Variants in CACNA1A observed in about 807,000 individuals in gnomAD.
CACNA1A encodes the protein calcium voltage-gated channel subunit alpha1 A.
Under a neutral mutation model 262.4 loss-of-function variants are expected in CACNA1A, and 57 were observed. The observed-to-expected ratio is 0.22, with a 90% CI of 0.18 to 0.27. The LOEUF is 0.27. Among genes scored for constraint, CACNA1A ranks in the 10% least tolerant of loss-of-function variants. The probability of loss-of-function intolerance (pLI) is 1.00; values close to 1 mark genes in which losing one functional copy is unlikely to be tolerated. For synonymous variants in CACNA1A, 1,431 were observed against 1,419.3 expected, an observed-to-expected ratio of 1.01 and a Z score of -0.18; for missense variants, 2,526 against 3,562.8, an observed-to-expected ratio of 0.71 and a Z score of 7.41.
chr19:13,376,830 C>CATA (rs572403563), intron 3 of CACNA1A, among the ~76,000 whole-genome samples: 4 of 80,264 alleles, frequency 5.0e-5, no homozygotes, highest in African/African-American at 1.6e-4. Context: ...ATATATAACA[C>CATA]ATGTTATATG....
rs1322326541 is a variant in CACNA1A, at chr19:13,308,966, A to G, written c.1669-438T>C. ...ACTGTTGGCCTCCACTTTCCAAAGC[A>G]TTGAGCCACTGCACCCGGCCTCTTA... On this transcript the variant is annotated intron_variant, in intron 12 of 46. Transcript: ENST00000360228. This position sits in a 1 kb window ranked among gnomAD's most constrained non-coding sequence, Gnocchi z 4.2. 1.3e-5 allele frequency: 2 copies of G among 153,092 alleles called. No individual in the cohort carries two copies. The highest frequency in any genetic ancestry group is 6.5e-5 in the Admixed American group (1 of 15,282). 9.5% of individuals were successfully genotyped at this position (153,092 alleles called of 1,614,324 possible). A position where few individuals can be genotyped will look rare whatever the true frequency, so the allele number is the denominator to read the frequency against.
At chr19:13,471,132 CAT>C (rs2061340277) in intron 1 of CACNA1A, among the ~76,000 whole-genome samples, 1 of 152,174 alleles carries the variant, frequency 6.6e-6, no homozygotes, top group Admixed American at 6.5e-5. Flanking sequence ...TGTACCTTCT[CAT>C]ATAAAAGCAC....
intron 3 of CACNA1A, among the ~76,000 whole-genome samples, chr19:13,417,301 G>A (rs989623915): frequency 6.6e-6 from 1 of 152,178 alleles, no homozygotes; most frequent in African/African-American, 2.4e-5. Context: ...TGTGGGTCCC[G>A]AGGGGTTTCC....
intron 19 of CACNA1A, among the ~76,000 whole-genome samples, chr19:13,298,161 C>G (rs1447357604): frequency 7.9e-6 from 1 of 126,196 alleles, no homozygotes; most frequent in African/African-American, 3.1e-5. Flanking sequence ...GACAGAGTCT[C>G]ACTCTGTCGC....
chr19:13,345,928 T>C (rs1413423450), intron 6 of CACNA1A, among the ~76,000 whole-genome samples: 2 of 123,562 alleles, frequency 1.6e-5, no homozygotes, highest in Non-Finnish European at 3.2e-5. Flanking sequence ...TGAGACAGAG[T>C]CTCGCTCTGT....
At chr19:13,323,967 A>T (rs2058305390) in intron 10 of CACNA1A, among the ~76,000 whole-genome samples, 1 of 152,232 alleles carries the variant, frequency 6.6e-6, no homozygotes, top group African/African-American at 2.4e-5. Flanking sequence ...TATTCACAAT[A>T]GCCAAAATAT....
At chr19:13,255,571 G>C (rs898771071) in intron 28 of CACNA1A, among the ~76,000 whole-genome samples, 17 of 152,090 alleles carry the variant, frequency 1.1e-4, no homozygotes, top group Non-Finnish European at 2.2e-4. Flanking sequence ...CCAAAATAGA[G>C]GCTTAGAAAG....
intron 1 of CACNA1A, among the ~76,000 whole-genome samples, chr19:13,485,989 A>G (rs1223114035): frequency 5.3e-5 from 8 of 152,244 alleles, no homozygotes; most frequent in Admixed American, 2.0e-4. Flanking sequence ...AAACAAGATC[A>G]TGAAGGAGCT....
intron 21 of CACNA1A, chr19:13,283,828 C>T (rs1236336920): frequency 6.4e-6 from 1 of 156,282 alleles, no homozygotes; most frequent in Non-Finnish European, 1.4e-5. Flanking sequence ...GGGCAAGTTA[C>T]TTGTCCCCTC....
chr19:13,436,578 CTCAT>C (rs1446554935), intron 3 of CACNA1A, among the ~76,000 whole-genome samples: 1 of 152,160 alleles, frequency 6.6e-6, no homozygotes, highest in Non-Finnish European at 1.5e-5. Context: ...CATTCATTCA[CTCAT>C]TCATTCATTC....
intron 5 of CACNA1A, chr19:13,362,554 G>A (rs11667262): frequency 0.3 from 46,032 of 151,812 alleles, 7,283 homozygotes; most frequent in African/African-American, 0.37. Flanking sequence ...TGTTGCCTAG[G>A]CTGGTCTCAA....
intron 24 of CACNA1A, among the ~76,000 whole-genome samples, chr19:13,264,373 C>G (rs1017325605): frequency 1.3e-5 from 2 of 152,210 alleles, no homozygotes; most frequent in African/African-American, 4.8e-5. Context: ...TCCCAACTTG[C>G]TCCTCATTCC....
rs78149650 is a variant in CACNA1A, at chr19:13,497,335, T to C, written c.293+8597A>G. Among the ~76,000 whole-genome samples, 288 of 149,524 alleles carry C rather than the reference T, an allele frequency of 1.9e-3. 1 individual carries two copies. Among genetic ancestry groups the C allele is most frequent in the African/African-American group, 6.9e-3 (278 of 40,578 alleles). On this transcript the variant is annotated intron_variant, in intron 1 of 46. Transcript: ENST00000360228. The stretch of plus-strand genomic sequence containing the variant: ...TTATTGATTCCTTACAGCAGCATTG[T>C]TCATAACAGCAAACAAACAAACAAT...
At chr19:13,282,638 C>T (rs904776627) in intron 22 of CACNA1A, among the ~76,000 whole-genome samples, 1 of 151,846 alleles carries the variant, frequency 6.6e-6, no homozygotes, top group Non-Finnish European at 1.5e-5. Flanking sequence ...TTACCACTCT[C>T]TCATTCCCCT....
At chr19:13,287,291 C>T (rs2057425882) in intron 19 of CACNA1A, among the ~76,000 whole-genome samples, 1 of 152,002 alleles carries the variant, frequency 6.6e-6, no homozygotes, top group Non-Finnish European at 1.5e-5. Context: ...GTTGAGGCTG[C>T]AGTGAGCCGT....
chr19:13,410,428 C>A (rs1420913471), intron 3 of CACNA1A, among the ~76,000 whole-genome samples: 1 of 151,720 alleles, frequency 6.6e-6, no homozygotes, highest in African/African-American at 2.4e-5. Context: ...GATGGGGTCT[C>A]ACTATGTTGT....
At chr19:13,323,811 T>C (rs2145083607) in intron 10 of CACNA1A, among the ~76,000 whole-genome samples, 1 of 152,342 alleles carries the variant, frequency 6.6e-6, no homozygotes, top group Middle Eastern at 3.4e-3. Context: ...CTGTTGCCTG[T>C]GCTTTTGAGG....
chr19:13,234,366 A>G (rs1322024787), intron 34 of CACNA1A, among the ~76,000 whole-genome samples: 7 of 142,872 alleles, frequency 4.9e-5, no homozygotes, highest in African/African-American at 1.8e-4. Context: ...AAAAAAAAAA[A>G]AAAAAAAAAG....
At chr19:13,314,103 T>C (rs1247498585) in intron 11 of CACNA1A, among the ~76,000 whole-genome samples, 1 of 152,140 alleles carries the variant, frequency 6.6e-6, no homozygotes, top group African/African-American at 2.4e-5. Context: ...AGCAAATAAA[T>C]GGCTGACATC....
Sources: gnomAD v4.1 joint callset for allele counts (sites outside exome capture counted in the v4.1 genomes callset) on GRCh38, gnomAD v4.1.1 for gene constraint, Gnocchi (gnomAD v3.1) non-coding constraint, MANE v1.5 for transcripts, NCBI Gene and HGNC (gene_info 2026-07-23, HGNC 2026-07-21) for gene names.